The following KCNIP4 variants were observed in gnomAD, a reference collection of about 807,000 sequenced individuals.
The protein encoded by KCNIP4 is Kv channel-interacting protein 4.
KCNIP4 carries 12 observed loss-of-function variants against 34.0 expected under a neutral mutation model. The ratio of observed to expected loss-of-function variants is 0.35; its 90% confidence interval spans 0.23 to 0.57. KCNIP4 has a LOEUF of 0.57. Ranked by LOEUF, KCNIP4 falls within the 20% of genes least tolerant of loss-of-function variation. The pLI is 0.83. For synonymous variants in KCNIP4, 124 were observed against 102.2 expected (o/e 1.21, Z -1.29); for missense variants, 238 against 311.7 (o/e 0.76, Z 1.78).
chr4:20,941,028 A>C (rs572993657), intron 1 of KCNIP4, among the ~76,000 whole-genome samples: 120 of 152,322 alleles, frequency 7.9e-4, no homozygotes, highest in Non-Finnish European at 9.7e-4. Flanking sequence ...ACTCGGTATA[A>C]TTATTTTGAG....
intron 1 of KCNIP4, among the ~76,000 whole-genome samples, chr4:20,968,876 C>T (rs547187004): frequency 6.6e-5 from 10 of 151,846 alleles, no homozygotes; most frequent in South Asian, 4.2e-4. Context: ...TGTATACCTA[C>T]GTAACAAACC....
chr4:21,589,201 T>TAA (rs1741938118), intron 1 of KCNIP4, among the ~76,000 whole-genome samples: 2 of 15,136 alleles, frequency 1.3e-4, no homozygotes, highest in East Asian at 8.5e-3. Flanking sequence ...TATATATATA[T>TAA]GTGTACATAT....
intron 1 of KCNIP4, among the ~76,000 whole-genome samples, chr4:21,218,987 T>C (rs935243957): frequency 6.6e-6 from 1 of 152,168 alleles, no homozygotes; most frequent in Non-Finnish European, 1.5e-5. Flanking sequence ...AGAAATATTA[T>C]AAATTCGTAA....
intron 1 of KCNIP4, among the ~76,000 whole-genome samples, chr4:20,924,706 G>A (rs73242567): frequency 0.11 from 17,122 of 152,098 alleles, 1,150 homozygotes; most frequent in African/African-American, 0.21. Context: ...ATCAGTTTGC[G>A]TCCCAGATCC....
chr4:20,839,817 A>G (rs1719507129), intron 3 of KCNIP4, among the ~76,000 whole-genome samples: 1 of 126,828 alleles, frequency 7.9e-6, no homozygotes, highest in African/African-American at 2.7e-5. Flanking sequence ...CCCAGGGAGT[A>G]TCTTGCCCAA....
intron 1 of KCNIP4, among the ~76,000 whole-genome samples, chr4:21,010,597 C>G (rs2149731348): frequency 6.6e-6 from 1 of 152,254 alleles, no homozygotes; most frequent in Middle Eastern, 3.4e-3. Context: ...GTGATCACAC[C>G]AGAGAATTCT....
chr4:21,575,790 T>C (rs1740705681), intron 1 of KCNIP4, among the ~76,000 whole-genome samples: 1 of 152,208 alleles, frequency 6.6e-6, no homozygotes. Flanking sequence ...TTTGATAGTA[T>C]GAAAAGTATC....
chr4:21,885,260 A>G (rs1726698687), intron 1 of KCNIP4, among the ~76,000 whole-genome samples: 1 of 152,106 alleles, frequency 6.6e-6, no homozygotes, highest in Non-Finnish European at 1.5e-5. Context: ...ATTTCATTCA[A>G]TGTTCATTTA....
At chr4:21,924,010 T>C (rs1042299892) in intron 1 of KCNIP4, among the ~76,000 whole-genome samples, 1 of 152,146 alleles carries the variant, frequency 6.6e-6, no homozygotes, top group Non-Finnish European at 1.5e-5. Flanking sequence ...GGAGTATAGG[T>C]TAAACCAGTG....
intron 1 of KCNIP4, among the ~76,000 whole-genome samples, chr4:21,371,392 G>C (rs1720435320): frequency 6.8e-6 from 1 of 146,322 alleles, no homozygotes; most frequent in Admixed American, 6.6e-5. Context: ...ATGTGTGCTG[G>C]CAGACACCTC....
intron 1 of KCNIP4, among the ~76,000 whole-genome samples, chr4:21,216,292 C>T (rs572143371): frequency 1.1e-3 from 160 of 152,196 alleles, no homozygotes; most frequent in Non-Finnish European, 1.7e-3. Context: ...GCAGCTAATA[C>T]TTTTATATTC....
At chr4:21,158,040 G>GA (rs201612410) in intron 1 of KCNIP4, among the ~76,000 whole-genome samples, 89 of 148,048 alleles carry the variant, frequency 6.0e-4, no homozygotes, top group African/African-American at 8.2e-4. Flanking sequence ...GAAACATTGT[G>GA]AAAAAAAAAC....
intron 1 of KCNIP4, among the ~76,000 whole-genome samples, chr4:21,633,768 T>C (rs958921364): frequency 1.3e-5 from 2 of 152,134 alleles, no homozygotes; most frequent in African/African-American, 2.4e-5. Context: ...AACTGAGAAA[T>C]TATTAACATA....
intron 1 of KCNIP4, among the ~76,000 whole-genome samples, chr4:21,396,036 T>C (rs1369356723): frequency 6.6e-6 from 1 of 151,806 alleles, no homozygotes; most frequent in East Asian, 1.9e-4. Flanking sequence ...TATATACATA[T>C]ATAAGACTAT....
At position 20,733,459 on chromosome 4, in the gene KCNIP4, G is replaced by A. The variant is rs546576717; in HGVS notation, c.538-674C>T. 2.1e-3 allele frequency among the ~76,000 whole-genome samples: 314 copies of A among 152,152 alleles called. 1 individual carries two copies. Among genetic ancestry groups the A allele is most frequent in the Non-Finnish European group, 3.7e-3 (252 of 67,994 alleles). ...ATTTATTGTTGCACATTTGTTTCAC[G>A]TGAAAGATCTCTCAATTAGGTTAAT... On this transcript the variant is annotated intron_variant, in intron 6 of 8. Transcript: ENST00000382152.
intron 3 of KCNIP4, among the ~76,000 whole-genome samples, chr4:20,840,823 AC>A (rs1175199739): frequency 2.6e-5 from 4 of 152,046 alleles, no homozygotes; most frequent in Admixed American, 6.6e-5. Context: ...GGATACCAAC[AC>A]CCCCATCTCC....
At chr4:21,076,858 A>G (rs1478969777) in intron 1 of KCNIP4, among the ~76,000 whole-genome samples, 1 of 152,090 alleles carries the variant, frequency 6.6e-6, no homozygotes, top group Non-Finnish European at 1.5e-5. Flanking sequence ...TGCAGTGGCT[A>G]GTGCTTGTAA....
intron 1 of KCNIP4, among the ~76,000 whole-genome samples, chr4:21,882,005 G>A (rs938505855): frequency 6.6e-6 from 1 of 152,128 alleles, no homozygotes; most frequent in Non-Finnish European, 1.5e-5. Context: ...AAGGATCAAG[G>A]CTGGTTCCAA....
At chr4:20,868,179 G>A (rs1400901492) in intron 2 of KCNIP4, among the ~76,000 whole-genome samples, 16 of 151,946 alleles carry the variant, frequency 1.1e-4, no homozygotes, top group Admixed American at 9.8e-4. Flanking sequence ...CTTTAAAAAC[G>A]GGCAAAGGAC....
Sources: allele counts gnomAD v4.1 joint callset (sites outside exome capture counted in the v4.1 genomes callset), GRCh38; gene constraint gnomAD v4.1.1; transcripts MANE v1.5; gene names NCBI Gene and HGNC (gene_info 2026-07-23, HGNC 2026-07-21).